MACROD2: variants seen among roughly 807,000 people sequenced by gnomAD.
MACROD2 encodes the protein mono-ADP ribosylhydrolase 2.
A neutral mutation model predicts 70.4 loss-of-function variants in MACROD2; 36 were observed. That is an observed-to-expected ratio of 0.51 (90% confidence interval 0.39 to 0.68). The LOEUF is 0.68. Among genes scored for constraint, MACROD2 ranks in the 30% least tolerant of loss-of-function variants. The pLI is 0.00. For missense variants in MACROD2, 496 were observed against 538.4 expected (o/e 0.92, Z 0.78); for synonymous variants, 172 against 178.8 (o/e 0.96, Z 0.30).
At chr20:14,453,954 C>T (rs1488069958) in intron 3 of MACROD2, among the ~76,000 whole-genome samples, 3 of 151,730 alleles carry the variant, frequency 2.0e-5, no homozygotes, top group African/African-American at 7.3e-5. Flanking sequence ...AACCAAACCC[C>T]TATTACATTA....
rs1568567438 is a variant in MACROD2, at chr20:15,088,443, ATATATAT to A, written c.419-141496_419-141490del. 7.4e-3 allele frequency among the ~76,000 whole-genome samples: 343 copies of A among 46,336 alleles called. 4 individuals carry two copies. Among genetic ancestry groups the A allele is most frequent in the Non-Finnish European group, 0.012 (261 of 21,254 alleles). 30.4% of individuals were successfully genotyped at this position (46,336 alleles called of 152,430 possible). On this transcript the variant is annotated intron_variant, in intron 5 of 17. Coordinates refer to ENST00000684519, the MANE Select transcript of MACROD2 (RefSeq NM_001351661.2). ...TATATATATATATATATATATATAT[ATATATAT>A]AATATTTTGTGTGTGTGTGTGTGTT...
At chr20:15,452,389 C>A (rs2046655634) in intron 7 of MACROD2, among the ~76,000 whole-genome samples, 1 of 151,616 alleles carries the variant, frequency 6.6e-6, no homozygotes, top group Non-Finnish European at 1.5e-5. Flanking sequence ...GAAAGGTGAC[C>A]CAAAAAAAGA....
chr20:14,330,153 C>T (rs1290914548), intron 3 of MACROD2, among the ~76,000 whole-genome samples: 1 of 152,004 alleles, frequency 6.6e-6, no homozygotes, highest in African/African-American at 2.4e-5. Context: ...TAGGTTCATA[C>T]ATGAATATTG....
At chr20:14,713,145 A>T (rs1476688715) in intron 5 of MACROD2, among the ~76,000 whole-genome samples, 2 of 152,134 alleles carry the variant, frequency 1.3e-5, no homozygotes, top group Non-Finnish European at 1.5e-5. Context: ...AAATGCGTGC[A>T]TGGGTACATG....
intron 5 of MACROD2, among the ~76,000 whole-genome samples, chr20:14,959,713 C>T (rs116064544): frequency 0.016 from 2,420 of 152,268 alleles, 64 homozygotes; most frequent in African/African-American, 0.053. Flanking sequence ...AGTACTGTTT[C>T]GCAACACATA....
chr20:15,992,785 T>C (rs2066575662), intron 15 of MACROD2, among the ~76,000 whole-genome samples: 2 of 152,228 alleles, frequency 1.3e-5, no homozygotes, highest in African/African-American at 4.8e-5. Context: ...TCAAACCACG[T>C]GGTTTATCAA....
At chr20:14,360,067 C>G (rs1204723037) in intron 3 of MACROD2, among the ~76,000 whole-genome samples, 1 of 135,444 alleles carries the variant, frequency 7.4e-6, no homozygotes, top group East Asian at 2.2e-4. Context: ...TTCATAAAGG[C>G]AGAAAGTAGA....
At chr20:15,944,096 T>G (rs2065787656) in intron 12 of MACROD2, among the ~76,000 whole-genome samples, 1 of 152,162 alleles carries the variant, frequency 6.6e-6, no homozygotes, top group Non-Finnish European at 1.5e-5. Flanking sequence ...TAGTTATTTA[T>G]AGTTTTCTTC....
At position 15,312,012 on chromosome 20, in the gene MACROD2, T is replaced by A. The variant is rs1280629434; in HGVS notation, c.540+81951T>A. Among the ~76,000 whole-genome samples, 2 of 152,074 alleles carry A rather than the reference T, an allele frequency of 1.3e-5. 1 individual carries two copies. On this transcript the variant is annotated intron_variant, in intron 6 of 17. Transcript: ENST00000684519. Reference sequence around the variant, plus strand: ...GTAATATTTTAGTAGCCAAAGAGAATATCATCAAATAATCTAAATAAACAA... The same window carrying A: ...GTAATATTTTAGTAGCCAAAGAGAAAATCATCAAATAATCTAAATAAACAA...
At position 14,326,296 on chromosome 20, in the gene MACROD2, C is replaced by T; in HGVS notation, c.272-167183C>T. 1 of 1,613,832 alleles carries T rather than the reference C, an allele frequency of 6.2e-7. No homozygotes were observed. ...TGTAATTGTTTTTCTTGAGGGACTCCCTGTGGTTTGGTGATCCTTAGTGAG... is the reference window on the plus strand; with the variant it reads ...TGTAATTGTTTTTCTTGAGGGACTCTCTGTGGTTTGGTGATCCTTAGTGAG... On this transcript the variant is annotated intron_variant, in intron 3 of 17. Coordinates refer to ENST00000684519, the MANE Select transcript of MACROD2 (RefSeq NM_001351661.2). The surrounding 1 kb of genome is among the most constrained non-coding windows in gnomAD (Gnocchi z 5.5).
At chr20:14,771,901 G>C (rs1037290709) in intron 5 of MACROD2, among the ~76,000 whole-genome samples, 15 of 152,000 alleles carry the variant, frequency 9.9e-5, no homozygotes, top group Non-Finnish European at 1.5e-4. Context: ...AACTCACTCT[G>C]TGTTTTCAAA....
intron 3 of MACROD2, among the ~76,000 whole-genome samples, chr20:14,311,165 A>T (rs2082563832): frequency 6.6e-6 from 1 of 152,178 alleles, no homozygotes; most frequent in Non-Finnish European, 1.5e-5. Flanking sequence ...TTACTGACTC[A>T]CCCAGAGCAA....
At chr20:14,021,388 G>GA (rs1569119333) in intron 2 of MACROD2, among the ~76,000 whole-genome samples, 1 of 152,070 alleles carries the variant, frequency 6.6e-6, no homozygotes, top group African/African-American at 2.4e-5. Context: ...AGTCTGTAGC[G>GA]GCCTTGGAAC....
chr20:15,001,015 T>C (rs1478047219), intron 5 of MACROD2, among the ~76,000 whole-genome samples: 5 of 152,180 alleles, frequency 3.3e-5, no homozygotes, highest in Non-Finnish European at 7.3e-5. Flanking sequence ...TAGCAAAAGC[T>C]GTTGGGGAAT....
intron 8 of MACROD2, chr20:15,552,876 T>C (rs917985144): frequency 4.6e-5 from 7 of 152,230 alleles, no homozygotes; most frequent in African/African-American, 7.2e-5. Context: ...ACTCCTCTTA[T>C]TGGATTTCTC....
chr20:15,444,649 G>A (rs1220976117), intron 7 of MACROD2, among the ~76,000 whole-genome samples: 2 of 152,068 alleles, frequency 1.3e-5, no homozygotes, highest in Non-Finnish European at 2.9e-5. Context: ...ATGTATCAAA[G>A]TGGCTTTGGG....
chr20:14,600,427 GA>G (rs1362796244), intron 4 of MACROD2, among the ~76,000 whole-genome samples: 17 of 148,474 alleles, frequency 1.1e-4, no homozygotes, highest in East Asian at 2.0e-4. Flanking sequence ...ACTCCAGAAA[GA>G]AAAAAAATAC....
At chr20:15,143,382 G>A (rs1359855097) in intron 5 of MACROD2, among the ~76,000 whole-genome samples, 3 of 152,050 alleles carry the variant, frequency 2.0e-5, no homozygotes, top group African/African-American at 7.2e-5. Flanking sequence ...TTGTAAATTT[G>A]CTTAAGTTCT....
intron 6 of MACROD2, among the ~76,000 whole-genome samples, chr20:15,232,615 T>A (rs1417135122): frequency 6.6e-6 from 1 of 152,068 alleles, no homozygotes; most frequent in African/African-American, 2.4e-5. Context: ...TATTTGACAA[T>A]GTTACTTCAA....
Sources: gnomAD v4.1 joint callset for allele counts (sites outside exome capture counted in the v4.1 genomes callset) on GRCh38, gnomAD v4.1.1 for gene constraint, Gnocchi (gnomAD v3.1) non-coding constraint, MANE v1.5 for transcripts, NCBI Gene and HGNC (gene_info 2026-07-23, HGNC 2026-07-21) for gene names.